The following CNTN5 variants were observed in gnomAD, a reference collection of about 807,000 sequenced individuals.
CNTN5 encodes contactin-5.
A neutral mutation model predicts 129.1 loss-of-function variants in CNTN5; 77 were observed. That is an observed-to-expected ratio of 0.60 (90% CI 0.50 to 0.72). The LOEUF (loss-of-function observed/expected upper bound fraction) is 0.72. Among genes scored for constraint, CNTN5 ranks in the 30% least tolerant of loss-of-function variants. The pLI, the probability that CNTN5 is intolerant of heterozygous loss-of-function variation, is 0.00. For missense variants in CNTN5, 1,478 were observed against 1,328.8 expected, an observed-to-expected ratio of 1.11 and a Z score of -1.75; for synonymous variants, 509 against 465.6, an observed-to-expected ratio of 1.09 and a Z score of -1.20.
chr11:99,335,170 A>G (rs940458847), intron 2 of CNTN5, among the ~76,000 whole-genome samples: 3 of 152,180 alleles, frequency 2.0e-5, no homozygotes, highest in African/African-American at 7.2e-5. Flanking sequence ...TCTCACAGCA[A>G]CTTACTAGTT....
At chr11:100,237,566 G>T (rs951937424) in intron 16 of CNTN5, among the ~76,000 whole-genome samples, 2 of 152,028 alleles carry the variant, frequency 1.3e-5, no homozygotes, top group Non-Finnish European at 2.9e-5. Context: ...TAATGTCTCC[G>T]TTTCACTAAG....
At chr11:100,317,992 A>T (rs1951601924) in intron 21 of CNTN5, among the ~76,000 whole-genome samples, 1 of 152,148 alleles carries the variant, frequency 6.6e-6, no homozygotes, top group Non-Finnish European at 1.5e-5. Flanking sequence ...CTGTAATCCC[A>T]ACACTTTGGG....
intron 13 of CNTN5, among the ~76,000 whole-genome samples, chr11:100,145,908 G>A (rs534147978): frequency 3.9e-5 from 6 of 152,180 alleles, no homozygotes; most frequent in African/African-American, 7.2e-5. Flanking sequence ...ATTAATAGCC[G>A]TTCTCTAACA....
chr11:99,700,890 C>G (rs1432084346), intron 3 of CNTN5, among the ~76,000 whole-genome samples: 1 of 151,046 alleles, frequency 6.6e-6, no homozygotes, highest in Non-Finnish European at 1.5e-5. Flanking sequence ...GATTACCTCC[C>G]CCAAAATGAG....
intron 1 of CNTN5, among the ~76,000 whole-genome samples, chr11:99,073,932 A>G (rs1270429422): frequency 3.3e-5 from 5 of 152,200 alleles, no homozygotes; most frequent in African/African-American, 1.2e-4. Flanking sequence ...CTGGTTCTAG[A>G]TCCTTGAGGA....
intron 1 of CNTN5, among the ~76,000 whole-genome samples, chr11:99,217,282 C>A (rs1236582736): frequency 6.6e-6 from 1 of 151,984 alleles, no homozygotes; most frequent in East Asian, 1.9e-4. Flanking sequence ...TGTCTTAAGA[C>A]ATTTATCAAA....
chr11:99,862,336 C>T (rs138587682), intron 6 of CNTN5, among the ~76,000 whole-genome samples: 280 of 139,970 alleles, frequency 2.0e-3, no homozygotes, highest in Non-Finnish European at 3.1e-3. Flanking sequence ...GGCCACAAAG[C>T]GATATCCTTC....
At chr11:99,901,394 G>T (rs1458853102) in intron 6 of CNTN5, among the ~76,000 whole-genome samples, 3 of 151,908 alleles carry the variant, frequency 2.0e-5, no homozygotes, top group Non-Finnish European at 2.9e-5. Flanking sequence ...GGGTTCAAAT[G>T]GTTCTCCCAC....
intron 9 of CNTN5, among the ~76,000 whole-genome samples, chr11:100,042,665 G>T (rs1459438010): frequency 6.6e-6 from 1 of 152,160 alleles, no homozygotes; most frequent in Non-Finnish European, 1.5e-5. Context: ...AATGGCCAAA[G>T]TTCATCCAAC....
chr11:100,141,016 T>C (rs1008571190), intron 13 of CNTN5, among the ~76,000 whole-genome samples: 1 of 152,110 alleles, frequency 6.6e-6, no homozygotes, highest in African/African-American at 2.4e-5. Context: ...CAGGGAAGTA[T>C]TGTCGGCAGG....
At chr11:99,775,144 A>G (rs1400626761) in intron 3 of CNTN5, among the ~76,000 whole-genome samples, 1 of 152,052 alleles carries the variant, frequency 6.6e-6, no homozygotes, top group Admixed American at 6.6e-5. Context: ...TTACTCTGCC[A>G]TGGGCGTGAT....
chr11:100,332,023 A>G (rs1418625370), intron 21 of CNTN5, among the ~76,000 whole-genome samples: 1 of 152,084 alleles, frequency 6.6e-6, no homozygotes, highest in Non-Finnish European at 1.5e-5. Context: ...AAAGAAAAAT[A>G]CAAAAGATAA....
At chr11:99,897,695 G>T (rs1206439193) in intron 6 of CNTN5, among the ~76,000 whole-genome samples, 1 of 152,086 alleles carries the variant, frequency 6.6e-6, no homozygotes, top group Admixed American at 6.5e-5. Flanking sequence ...GAAAATGACA[G>T]ATATATACAG....
At chr11:100,092,421 G>A (rs1211183464) in intron 13 of CNTN5, among the ~76,000 whole-genome samples, 3 of 152,086 alleles carry the variant, frequency 2.0e-5, no homozygotes, top group Admixed American at 6.6e-5. Context: ...TTTAAGGCCT[G>A]CATTTTCGTG....
chr11:99,825,838 C>A (rs1296396012), intron 4 of CNTN5, among the ~76,000 whole-genome samples: 2 of 151,888 alleles, frequency 1.3e-5, no homozygotes, highest in African/African-American at 2.4e-5. Flanking sequence ...TATGTACTTT[C>A]TAAAAGTAAA....
chr11:99,226,735 T>A (rs1340093919), intron 1 of CNTN5, among the ~76,000 whole-genome samples: 1 of 152,214 alleles, frequency 6.6e-6, no homozygotes, highest in African/African-American at 2.4e-5. Flanking sequence ...GTATAAGGTG[T>A]GTTCCAATCT....
At chr11:99,423,090 C>T (rs1261425079) in intron 2 of CNTN5, among the ~76,000 whole-genome samples, 2 of 152,118 alleles carry the variant, frequency 1.3e-5, no homozygotes, top group African/African-American at 2.4e-5. Context: ...CCCACCTTTA[C>T]GTAGAGCCAA....
chr11:100,273,279 C>T (rs932579624), intron 18 of CNTN5, among the ~76,000 whole-genome samples: 4 of 152,088 alleles, frequency 2.6e-5, no homozygotes, highest in East Asian at 3.9e-4. Flanking sequence ...ACACTGCAGC[C>T]GCAGCGTCCC....
chr11:99,269,783 A>G (rs189663371), intron 1 of CNTN5, among the ~76,000 whole-genome samples: 17 of 151,636 alleles, frequency 1.1e-4, no homozygotes, highest in African/African-American at 3.9e-4. Flanking sequence ...GATTATTTTC[A>G]TAAGCATTGT....
Sources: gnomAD v4.1 joint callset for allele counts (sites outside exome capture counted in the v4.1 genomes callset) on GRCh38, gnomAD v4.1.1 for gene constraint, MANE v1.5 for transcripts, NCBI Gene and HGNC (gene_info 2026-07-23, HGNC 2026-07-21) for gene names.